Variants in CFAP47 observed in about 807,000 individuals in gnomAD.
The protein encoded by CFAP47 is cilia and flagella associated protein 47.
CFAP47 carries 29 observed loss-of-function variants against 148.1 expected under a neutral mutation model. The ratio of observed to expected loss-of-function variants is 0.20; its 90% CI spans 0.15 to 0.27. The LOEUF is 0.27. CFAP47 is among the 10% of genes least tolerant of loss of function. The pLI, the probability that CFAP47 is intolerant of heterozygous loss-of-function variation, is 1.00. For missense variants in CFAP47, 1,872 were observed against 1,697.5 expected, an observed-to-expected ratio of 1.10 and a Z score of -1.81; for synonymous variants, 664 against 577.3, an observed-to-expected ratio of 1.15 and a Z score of -2.15.
At chrX:36,063,022 G>A (rs889518672) in intron 26 of CFAP47, among the ~76,000 whole-genome samples, 2 of 111,764 alleles carry the variant, frequency 1.8e-5, no homozygotes, top group East Asian at 2.8e-4. Context: ...CATTCACATC[G>A]TATCTTTGAC....
At chrX:35,961,145 A>G (rs936442916) in intron 8 of CFAP47, among the ~76,000 whole-genome samples, 19 of 111,894 alleles carry the variant, frequency 1.7e-4, no homozygotes, top group African/African-American at 5.2e-4. Context: ...AAGAGTGTGC[A>G]TTACATTGAC....
chrX:36,023,974 A>G (rs1192302485), intron 22 of CFAP47, among the ~76,000 whole-genome samples: 6 of 112,002 alleles, frequency 5.4e-5, no homozygotes, highest in Non-Finnish European at 1.1e-4. Context: ...CTGGTACCTA[A>G]GGCGCAAGAC....
At chrX:36,246,686 T>C (rs1170979162) in intron 48 of CFAP47, among the ~76,000 whole-genome samples, 2 of 111,442 alleles carry the variant, frequency 1.8e-5, no homozygotes, top group Non-Finnish European at 3.8e-5. Context: ...GGGATTACAA[T>C]TGAAGATGAG....
chrX:35,941,068 G>A (rs1446760682), intron 2 of CFAP47, among the ~76,000 whole-genome samples: 1 of 111,588 alleles, frequency 9.0e-6, no homozygotes, highest in Admixed American at 9.5e-5. Context: ...GATGCATAAA[G>A]TCTCATTTCT....
rs144572752 is a variant in CFAP47, at chrX:36,035,153, A to G, written c.3652-542A>G. 5.4e-3 allele frequency among the ~76,000 whole-genome samples: 598 copies of G among 111,146 alleles called. 6 individuals are homozygous for G. Among genetic ancestry groups the G allele is most frequent in the African/African-American group, 0.019 (571 of 30,710 alleles). On this transcript the variant is annotated intron_variant, in intron 23 of 63. Transcript: ENST00000378653. ...TTCATTTACTTATTTTTTAATCCTA[A>G]CTTCAAATAAAGAAGTTTCAGAATT...
intron 57 of CFAP47, among the ~76,000 whole-genome samples, chrX:36,339,173 G>A (rs1941632634): frequency 8.9e-6 from 1 of 111,899 alleles, no homozygotes; most frequent in Non-Finnish European, 1.9e-5. Flanking sequence ...CAGGTCTGGG[G>A]TTGTACCTTT....
chrX:36,242,601 T>C (rs1726249475), intron 48 of CFAP47, among the ~76,000 whole-genome samples: 1 of 112,112 alleles, frequency 8.9e-6, no homozygotes, highest in South Asian at 3.7e-4. Flanking sequence ...AAGATGTTCT[T>C]TGAGTCAACT....
chrX:36,184,120 A>G (rs1939780665), intron 40 of CFAP47, among the ~76,000 whole-genome samples: 1 of 111,957 alleles, frequency 8.9e-6, no homozygotes, highest in Non-Finnish European at 1.9e-5. Context: ...ATTAGATGAA[A>G]GTATTAGATG....
At chrX:36,317,238 T>C (rs1028946909) in intron 56 of CFAP47, among the ~76,000 whole-genome samples, 4 of 111,687 alleles carry the variant, frequency 3.6e-5, no homozygotes, top group Non-Finnish European at 7.5e-5. Flanking sequence ...CATGGTTTTA[T>C]ACTTAAGAAG....
chrX:36,039,188 T>C lies in CFAP47; in HGVS notation c.4007+9T>C. 1.1e-6 allele frequency: 1 copy of C among 938,972 alleles called. No homozygotes were observed. The allele number at this position is 938,972 out of a possible 1,213,427, so 77.4% of individuals were successfully genotyped here. A position where few individuals can be genotyped will look rare whatever the true frequency, so the allele number is the denominator to read the frequency against. Reference sequence around the variant, plus strand: ...CCTCAAAACTATTTCAGGTAAATACTCAATGTGAATTTACCACATTTTCTT... The same window carrying C: ...CCTCAAAACTATTTCAGGTAAATACCCAATGTGAATTTACCACATTTTCTT... On this transcript the variant is annotated intron_variant, in intron 25 of 63. Coordinates refer to ENST00000378653, the MANE Select transcript of CFAP47 (RefSeq NM_001304548.2).
At chrX:36,222,908 A>G (rs1940228032) in intron 45 of CFAP47, among the ~76,000 whole-genome samples, 1 of 111,473 alleles carries the variant, frequency 9.0e-6, no homozygotes, top group Admixed American at 9.6e-5. Context: ...TGTAATCACC[A>G]TGTTGGAAGT....
chrX:36,304,963 CA>C (rs1941335160), intron 54 of CFAP47, among the ~76,000 whole-genome samples: 1 of 109,647 alleles, frequency 9.1e-6, no homozygotes. Flanking sequence ...CTGTTTTTAT[CA>C]AGGGACTTCA....
At chrX:36,358,823 A>G (rs1556018813) in intron 60 of CFAP47, among the ~76,000 whole-genome samples, 1 of 111,355 alleles carries the variant, frequency 9.0e-6, no homozygotes, top group Non-Finnish European at 1.9e-5. Flanking sequence ...TGATGAGTAG[A>G]AGGAGTTTTC....
intron 32 of CFAP47, among the ~76,000 whole-genome samples, chrX:36,100,633 C>T (rs746369777): frequency 1.8e-5 from 2 of 111,520 alleles, no homozygotes; most frequent in East Asian, 5.7e-4. Flanking sequence ...CAACCCCAGA[C>T]GGGTGAGCTG....
intron 39 of CFAP47, among the ~76,000 whole-genome samples, chrX:36,170,996 G>C (rs1382061284): frequency 2.7e-5 from 3 of 110,705 alleles, no homozygotes; most frequent in East Asian, 2.8e-4. Context: ...ATTCTACCTG[G>C]TGTGAAATGG....
Position 35,919,948 on chromosome X carries a change from T to G in CFAP47, c.149T>G (p.Leu50Arg). The G allele has an allele frequency of 1.7e-6, 2 of 1,210,991 alleles. No homozygotes were observed. Among genetic ancestry groups the G allele is most frequent in the African/African-American group, 3.5e-5 (2 of 57,699 alleles). The change falls in exon 1 of 64, where the codon CTG (leucine) becomes CGG (arginine). Residue 50 changes from leucine to arginine, a missense_variant. Transcript: ENST00000378653. ...GTGATCCCGGCTGAGGTGAAGTTCC[T>G]GGACACGATGGCCGGGAGGGTGTAC... ...LRVIPAEVKFLDTMAGRVYRL... is the reference protein window; with the variant it reads ...LRVIPAEVKFRDTMAGRVYRL...
At chrX:36,257,428 T>C (rs782606841) in intron 49 of CFAP47, among the ~76,000 whole-genome samples, 3 of 109,959 alleles carry the variant, frequency 2.7e-5, no homozygotes, top group African/African-American at 6.6e-5. Flanking sequence ...TTCTTTCTTT[T>C]TTTTTTTTTT....
In CFAP47 at chrX:36,108,867, C is replaced by T. The variant is rs186086051; in HGVS notation, c.5320+4176C>T. Among the ~76,000 whole-genome samples the T allele has an allele frequency of 1.1e-4, 12 of 105,527 alleles. No homozygotes were observed. In the East Asian group the frequency reaches 1.5e-3, roughly 13 times the overall value. The allele number at this position is 105,527 out of a possible 115,157, so 91.6% of individuals were successfully genotyped here. ...TTGTTATATAGGTAAACTCATGTCA[C>T]GGGGGTTTGTTGTATAGATTATTTC... On this transcript the variant is annotated intron_variant, in intron 33 of 63. Coordinates refer to ENST00000378653, the MANE Select transcript of CFAP47 (RefSeq NM_001304548.2).
intron 49 of CFAP47, among the ~76,000 whole-genome samples, chrX:36,258,350 A>G (rs1057010313): frequency 3.6e-5 from 4 of 112,204 alleles, no homozygotes; most frequent in Admixed American, 2.8e-4. Context: ...CTTTACTTTT[A>G]TAAAACAATT....
Sources: allele counts gnomAD v4.1 joint callset (sites outside exome capture counted in the v4.1 genomes callset), GRCh38; gene constraint gnomAD v4.1.1; transcripts MANE v1.5; gene names NCBI Gene and HGNC (gene_info 2026-07-23, HGNC 2026-07-21).